Variants in NFYC observed in about 807,000 individuals in gnomAD.
NFYC encodes the protein CAAT box DNA-binding protein subunit C.
A neutral mutation model predicts 53.1 loss-of-function variants in NFYC; 25 were observed. The ratio of observed to expected loss-of-function variants is 0.47; its 90% CI spans 0.34 to 0.66. The LOEUF is 0.66. NFYC is among the 30% of genes least tolerant of loss of function. The pLI, the probability that NFYC is intolerant of heterozygous loss-of-function variation, is 0.01. For missense variants in NFYC, 260 were observed against 422.7 expected (o/e 0.62, Z 3.38); for synonymous variants, 145 against 152.6 (o/e 0.95, Z 0.37).
chr1:40,743,573 G>C (rs775309589), intron 2 of NFYC, among the ~76,000 whole-genome samples: 1 of 152,150 alleles, frequency 6.6e-6, no homozygotes. Context: ...TGAGTGCCTA[G>C]GTCACTTTCT....
intron 1 of NFYC, among the ~76,000 whole-genome samples, chr1:40,725,897 A>G (rs994088444): frequency 2.0e-5 from 3 of 152,248 alleles, no homozygotes; most frequent in African/African-American, 4.8e-5. Context: ...AGTGTAGCCT[A>G]TTAAGTGTGC....
intron 2 of NFYC, 63 bp downstream of exon 2, chr1:40,739,011 T>A: frequency 8.6e-7 from 1 of 1,160,154 alleles, no homozygotes; most frequent in Non-Finnish European, 1.3e-6. Flanking sequence ...TCTGGGAAAT[T>A]AACCAAAACT....
chr1:40,712,387 A>C (rs1643957897), intron 1 of NFYC: 1 of 151,622 alleles, frequency 6.6e-6, no homozygotes, highest in Non-Finnish European at 1.5e-5. Flanking sequence ...TTTTTAAAAA[A>C]CTCTTGTTAG....
intron 4 of NFYC, 82 bp downstream of exon 4, chr1:40,749,768 T>C: frequency 1.8e-6 from 2 of 1,140,758 alleles, no homozygotes; most frequent in Non-Finnish European, 2.6e-6. Flanking sequence ...GGAGAAAGAT[T>C]GTTCTCCTTT....
chr1:40,730,450 G>A, intron 1 of NFYC: 1 of 412,896 alleles, frequency 2.4e-6, no homozygotes, highest in Non-Finnish European at 3.3e-6. Flanking sequence ...TCAGGTAATA[G>A]GGAGGCCCGA....
At chr1:40,692,396 C>T (rs1424943877) in intron 1 of NFYC, 1 of 152,814 alleles carries the variant, frequency 6.5e-6, no homozygotes, top group Non-Finnish European at 1.5e-5. Context: ...GGGACACTCA[C>T]TTTCAGAGGT....
intron 1 of NFYC, among the ~76,000 whole-genome samples, chr1:40,693,236 T>C (rs1205306069): frequency 6.6e-6 from 1 of 152,228 alleles, no homozygotes; most frequent in Non-Finnish European, 1.5e-5. Flanking sequence ...CTGGTTCATA[T>C]TCAAAAAGTT....
At chr1:40,734,975 A>C (rs1162589389) in intron 1 of NFYC, 1 of 152,170 alleles carries the variant, frequency 6.6e-6, no homozygotes, top group Admixed American at 6.5e-5. Flanking sequence ...ATAACTCTAA[A>C]ACCTAATGTA....
chr1:40,750,479 G>A (rs760494017), intron 4 of NFYC, among the ~76,000 whole-genome samples: 15 of 152,132 alleles, frequency 9.9e-5, no homozygotes, highest in Admixed American at 1.3e-4. Context: ...GGGGATTAAC[G>A]ATACACACAA....
chr1:40,766,858 C>T (rs1278865967), intron 8 of NFYC, 155 bp downstream of exon 8: 2 of 1,530,688 alleles, frequency 1.3e-6, no homozygotes, highest in Non-Finnish European at 1.8e-6. Context: ...ACCCAAGAGG[C>T]ATGGGTGGTA....
intron 1 of NFYC, among the ~76,000 whole-genome samples, chr1:40,724,854 C>G (rs1034396152): frequency 6.6e-6 from 1 of 152,080 alleles, no homozygotes; most frequent in Non-Finnish European, 1.5e-5. Flanking sequence ...GAAAATGTGT[C>G]CTTGTGTACA....
rs550455170 is a variant in NFYC at position 40,742,816 on chromosome 1, A to G, written c.105+3868A>G. Among the ~76,000 whole-genome samples the G allele has an allele frequency of 3.9e-5, 6 of 152,190 alleles. No individual in the cohort carries two copies. In the South Asian group the frequency reaches 1.2e-3, roughly 32 times the overall value. On this transcript the variant is annotated intron_variant, in intron 2 of 9. Coordinates refer to ENST00000447388, the MANE Select transcript of NFYC (RefSeq NM_014223.5). ...AATTTTTTTCCCTTGTGTGACTCTT[A>G]TTTTCCCCTCTTCTCAGGAGTGCAA...
At chr1:40,762,230 A>G (rs1285707738) in intron 6 of NFYC, among the ~76,000 whole-genome samples, 2 of 152,180 alleles carry the variant, frequency 1.3e-5, no homozygotes, top group Non-Finnish European at 2.9e-5. Flanking sequence ...AGACTTAGTT[A>G]AGAGTCTGTG....
chr1:40,738,994 A>G (rs371778995), intron 2 of NFYC, 46 bp downstream of exon 2: 3 of 1,378,768 alleles, frequency 2.2e-6, no homozygotes, highest in Non-Finnish European at 3.1e-6. Flanking sequence ...TAAAGAGTAT[A>G]AAGAGCTCTG....
intron 1 of NFYC, among the ~76,000 whole-genome samples, chr1:40,699,074 G>C (rs1270589694): frequency 6.6e-6 from 1 of 152,014 alleles, no homozygotes; most frequent in Non-Finnish European, 1.5e-5. Flanking sequence ...TGAGGCAGGA[G>C]AATCGCTTGA....
chr1:40,769,944 A>G (rs1164024386), intron 9 of NFYC, among the ~76,000 whole-genome samples: 1 of 152,152 alleles, frequency 6.6e-6, no homozygotes, highest in African/African-American at 2.4e-5. Flanking sequence ...CACTGAGGAC[A>G]TGATAGGATG....
chr1:40,758,086 T>G (rs754051695), intron 5 of NFYC, 35 bp from the exon 6 acceptor site: 1 of 1,610,398 alleles, frequency 6.2e-7, no homozygotes, highest in East Asian at 2.2e-5. Flanking sequence ...GAGTTGGTTC[T>G]TTTCCTCTTA....
intron 7 of NFYC, chr1:40,763,348 T>C (rs1289059528): frequency 6.6e-6 from 3 of 457,254 alleles, no homozygotes; most frequent in Admixed American, 4.7e-5. Flanking sequence ...TGCATAATCC[T>C]TTTTTTCTTT....
rs78932885 is a variant in NFYC, at chr1:40,694,352, C to T, written c.-9+2485C>T. On this transcript the variant is annotated intron_variant, in intron 1 of 9. Coordinates refer to ENST00000447388, the MANE Select transcript of NFYC (RefSeq NM_014223.5). ...TGCAGTTCCAATTTTGCATGGAAAC[C>T]TTTAAATCAGGGTTTGAGAGGAGAC... 8.9e-3 allele frequency among the ~76,000 whole-genome samples: 1,359 copies of T among 152,304 alleles called. 13 individuals are homozygous for T. The highest frequency in any genetic ancestry group is 0.034 in the South Asian group (166 of 4,826).
Sources: allele counts gnomAD v4.1 joint callset (sites outside exome capture counted in the v4.1 genomes callset), GRCh38; gene constraint gnomAD v4.1.1; transcripts MANE v1.5; gene names NCBI Gene and HGNC (gene_info 2026-07-23, HGNC 2026-07-21).